The following RBM47 variants were observed in gnomAD, a reference collection of about 807,000 sequenced individuals.
RBM47 encodes RNA-binding protein 47.
RBM47 carries 21 observed loss-of-function variants against 47.1 expected under a neutral mutation model. The observed-to-expected ratio is 0.45, with a 90% confidence interval of 0.32 to 0.64. The LOEUF is 0.64. RBM47 is among the 30% of genes least tolerant of loss of function. The pLI is 0.05. For missense variants in RBM47, 708 were observed against 870.9 expected, an observed-to-expected ratio of 0.81 and a Z score of 2.35; for synonymous variants, 375 against 361.7, an observed-to-expected ratio of 1.04 and a Z score of -0.42.
At chr4:40,564,384 C>T (rs1029811405) in intron 1 of RBM47, among the ~76,000 whole-genome samples, 22 of 152,200 alleles carry the variant, frequency 1.4e-4, no homozygotes, top group Admixed American at 1.4e-3. Flanking sequence ...AGGTGAGCTA[C>T]CCCCGAACCT....
At chr4:40,445,495 CAAAT>C (rs1714409161) in intron 3 of RBM47, among the ~76,000 whole-genome samples, 1 of 152,084 alleles carries the variant, frequency 6.6e-6, no homozygotes, top group Non-Finnish European at 1.5e-5. Flanking sequence ...ATTCATTCAG[CAAAT>C]AGTTATTGAC....
At position 40,497,054 on chromosome 4, in the gene RBM47, AAAAG is replaced by A. The variant is rs1553890446; in HGVS notation, c.-154-30359_-154-30356del. Reference sequence around the variant, plus strand: ...AAAACTCCATCTCAAAAAAAAAAAAAAAAGAAAGAAAGAAAGAAAGAAATGGAAA... The same window carrying A: ...AAAACTCCATCTCAAAAAAAAAAAAAAAAGAAAGAAAGAAAGAAATGGAAA... On this transcript the variant is annotated intron_variant, in intron 2 of 6. Coordinates refer to ENST00000295971, the MANE Select transcript of RBM47 (RefSeq NM_001098634.2). Among the ~76,000 whole-genome samples, 15 of 150,122 alleles carry A rather than the reference AAAAG, an allele frequency of 1.0e-4. No individual in the cohort carries two copies. The East Asian group carries it at 1.6e-3, about 16-fold the overall frequency.
chr4:40,593,828 G>C (rs1734498234), intron 1 of RBM47, among the ~76,000 whole-genome samples: 1 of 151,160 alleles, frequency 6.6e-6, no homozygotes, highest in African/African-American at 2.4e-5. Context: ...AGCTTGCAGT[G>C]AGCCGAGATC....
chr4:40,497,918 C>A (rs1288041803), intron 2 of RBM47, among the ~76,000 whole-genome samples: 2 of 150,890 alleles, frequency 1.3e-5, no homozygotes, highest in Non-Finnish European at 3.0e-5. Context: ...GGGAGCCTGG[C>A]AGGTCAAGGT....
chr4:40,489,649 T>C (rs754458151), intron 2 of RBM47, among the ~76,000 whole-genome samples: 7 of 152,164 alleles, frequency 4.6e-5, no homozygotes, highest in Non-Finnish European at 8.8e-5. Flanking sequence ...TGAATAGACT[T>C]ATAAGTAAAT....
intron 2 of RBM47, among the ~76,000 whole-genome samples, chr4:40,495,786 C>T (rs375720260): frequency 2.6e-5 from 4 of 152,180 alleles, no homozygotes; most frequent in East Asian, 3.9e-4. Flanking sequence ...AAGGCTCCTC[C>T]TGGAGGTTCC....
At chr4:40,488,379 T>TAAAATG (rs1316149819) in intron 2 of RBM47, among the ~76,000 whole-genome samples, 28 of 151,666 alleles carry the variant, frequency 1.8e-4, no homozygotes, top group Admixed American at 1.1e-3. Context: ...TGAGACGCTA[T>TAAAATG]AAAATGAAAA....
chr4:40,441,215 G>C (rs1432513674), intron 3 of RBM47, among the ~76,000 whole-genome samples: 1 of 150,406 alleles, frequency 6.6e-6, no homozygotes, highest in African/African-American at 2.4e-5. Context: ...CTTGAGCCCA[G>C]GAGTTTGAAA....
intron 3 of RBM47, among the ~76,000 whole-genome samples, chr4:40,463,813 C>T (rs942928137): frequency 2.6e-5 from 4 of 151,876 alleles, no homozygotes; most frequent in Middle Eastern, 6.8e-3. Context: ...TTTTGAGTAT[C>T]TATAAAAATA....
chr4:40,620,977 G>A, intron 1 of RBM47, among the ~76,000 whole-genome samples: 1 of 150,818 alleles, frequency 6.6e-6, no homozygotes. Flanking sequence ...TTGTGATGAT[G>A]TCTTCCAAAT....
At chr4:40,559,323 G>A (rs1730393329) in intron 1 of RBM47, among the ~76,000 whole-genome samples, 2 of 152,186 alleles carry the variant, frequency 1.3e-5, no homozygotes. Flanking sequence ...AACAATTACA[G>A]GTGACAAACA....
rs532392967 is a variant in RBM47, at chr4:40,566,250, T to G, written c.-239-21744A>C. ...AGGGATCACCGCCCAGACTTGACCTTCAGGTTAGCTGGGTGCTCATTCTCA... is the reference window on the plus strand; with the variant it reads ...AGGGATCACCGCCCAGACTTGACCTGCAGGTTAGCTGGGTGCTCATTCTCA... On this transcript the variant is annotated intron_variant, in intron 1 of 6. Coordinates refer to ENST00000295971, the MANE Select transcript of RBM47 (RefSeq NM_001098634.2). Among the ~76,000 whole-genome samples the G allele has an allele frequency of 5.3e-5, 8 of 152,284 alleles. No homozygotes were observed. The South Asian group carries it at 1.7e-3, about 32-fold the overall frequency.
At chr4:40,530,546 C>T (rs914168798) in intron 2 of RBM47, among the ~76,000 whole-genome samples, 2 of 152,046 alleles carry the variant, frequency 1.3e-5, no homozygotes, top group African/African-American at 2.4e-5. Flanking sequence ...GTGATCCACC[C>T]GTCTCGGCCT....
chr4:40,458,491 T>TA (rs1183874636), intron 3 of RBM47, among the ~76,000 whole-genome samples: 1 of 152,244 alleles, frequency 6.6e-6, no homozygotes, highest in Non-Finnish European at 1.5e-5. Context: ...AGTCATGAGT[T>TA]AAAATACTTT....
chr4:40,545,403 C>G (rs1456119648), intron 1 of RBM47, among the ~76,000 whole-genome samples: 6 of 148,076 alleles, frequency 4.1e-5, no homozygotes, highest in African/African-American at 1.5e-4. Flanking sequence ...GTGGCTCACA[C>G]CTGTAATCCC....
intron 3 of RBM47, among the ~76,000 whole-genome samples, chr4:40,454,168 G>A (rs1715878039): frequency 6.6e-6 from 1 of 152,128 alleles, no homozygotes; most frequent in South Asian, 2.1e-4. Flanking sequence ...GAGATGATAC[G>A]GCCTATGAAA....
At chr4:40,454,538 C>T (rs767799800) in intron 3 of RBM47, among the ~76,000 whole-genome samples, 94 of 152,280 alleles carry the variant, frequency 6.2e-4, no homozygotes, top group African/African-American at 2.1e-3. Flanking sequence ...CACTCTGTCA[C>T]CCAGGTTGGA....
Position 40,500,170 on chromosome 4 carries a change from G to A in RBM47, c.-154-33471C>T, listed in dbSNP as rs567723102. ...TTCTACTAAAAATACAAAATTAGCC[G>A]GGTGTGGTGGTGCATGCCTGTAATC... On this transcript the variant is annotated intron_variant, in intron 2 of 6. Coordinates refer to ENST00000295971, the MANE Select transcript of RBM47 (RefSeq NM_001098634.2). Among the ~76,000 whole-genome samples the A allele has an allele frequency of 2.7e-4, 41 of 152,252 alleles. 1 individual carries two copies. The highest frequency in any genetic ancestry group is 9.6e-4 in the African/African-American group (40 of 41,546).
intron 2 of RBM47, among the ~76,000 whole-genome samples, chr4:40,477,201 A>C (rs1336524049): frequency 6.0e-5 from 9 of 150,316 alleles, no homozygotes; most frequent in South Asian, 2.3e-4. Flanking sequence ...AACAAACAAA[A>C]ACGGCCAGAA....
Sources: gnomAD v4.1 joint callset for allele counts (sites outside exome capture counted in the v4.1 genomes callset) on GRCh38, gnomAD v4.1.1 for gene constraint, MANE v1.5 for transcripts, NCBI Gene and HGNC (gene_info 2026-07-23, HGNC 2026-07-21) for gene names.